GARNL3: variants seen among roughly 807,000 people sequenced by gnomAD.
GARNL3 encodes GTPase activating Rap/RanGAP domain like 3.
Under a neutral mutation model 125.0 loss-of-function variants are expected in GARNL3, and 63 were observed. That is an observed-to-expected ratio of 0.50 (90% CI 0.41 to 0.62). GARNL3 has a LOEUF of 0.62. Among genes scored for constraint, GARNL3 ranks in the 20% least tolerant of loss-of-function variants. The pLI is 0.00. For synonymous variants in GARNL3, 439 were observed against 457.5 expected (o/e 0.96, Z 0.52); for missense variants, 994 against 1,244.0 (o/e 0.80, Z 3.02).
rs749670387 is a variant in GARNL3 at position 127,355,387 on chromosome 9, A to G, written c.1850A>G (p.Lys617Arg). 1 of 1,614,248 alleles carries G rather than the reference A, an allele frequency of 6.2e-7. No homozygotes were observed. The highest frequency in any genetic ancestry group is 2.2e-5 in the East Asian group (1 of 44,886). The change falls in exon 20 of 28, where the codon AAA (lysine) becomes AGA (arginine). Residue 617 changes from lysine to arginine, a missense_variant. Lys to Arg is a conservative substitution (Grantham distance 26). Around this residue, in one of 5 missense-constraint regions of GARNL3, gnomAD observed 728 missense variants for 865.7 expected, o/e 0.84. Transcript: ENST00000373387. ...IRNKLLLITR[K>R]HNKPSGVTST... is the part of the protein sequence containing the mutation. Reference sequence around the variant, plus strand: ...AATAAACTGCTTCTGATCACAAGAAAACACAACAAGCCAAGCGGGGTCACC... The same window carrying G: ...AATAAACTGCTTCTGATCACAAGAAGACACAACAAGCCAAGCGGGGTCACC...
chr9:127,356,129 C>T (rs1830676480), intron 20 of GARNL3, among the ~76,000 whole-genome samples: 1 of 152,202 alleles, frequency 6.6e-6, no homozygotes, highest in South Asian at 2.1e-4. Context: ...GATGGGAAAC[C>T]ACTGGAAGGT....
intron 16 of GARNL3, among the ~76,000 whole-genome samples, chr9:127,347,780 T>C (rs994420489): frequency 2.0e-5 from 3 of 152,242 alleles, no homozygotes; most frequent in Admixed American, 2.0e-4. Flanking sequence ...TGCACTTGTT[T>C]AGCCTTTTTT....
At chr9:127,231,443 C>G (rs2063018187) in intron 1 of GARNL3, among the ~76,000 whole-genome samples, 1 of 151,868 alleles carries the variant, frequency 6.6e-6, no homozygotes. Flanking sequence ...ATTGATGAAC[C>G]AGAGTTATTT....
In GARNL3 at chr9:127,319,280, C is replaced by T. The variant is rs138987857; in HGVS notation, c.503+1153C>T. On this transcript the variant is annotated intron_variant, in intron 5 of 27. Coordinates refer to ENST00000373387, the MANE Select transcript of GARNL3 (RefSeq NM_032293.5). ...CAGGCAGATCATGAGGTCAGGAGTT[C>T]GAGACCAGCCTGGCCAATATAGTGA... is the stretch of plus-strand genomic sequence containing the variant. 2.2e-3 allele frequency among the ~76,000 whole-genome samples: 329 copies of T among 152,118 alleles called. 4 individuals are homozygous for T. Among genetic ancestry groups the T allele is most frequent in the African/African-American group, 6.8e-3 (282 of 41,506 alleles).
intron 13 of GARNL3, 76 bp from the exon 14 acceptor site, chr9:127,342,143 G>A: frequency 2.7e-5 from 26 of 978,628 alleles, no homozygotes; most frequent in Non-Finnish European, 8.2e-6. Flanking sequence ...GAAAAGAACA[G>A]ACAAGCATAG....
intron 1 of GARNL3, 100 bp downstream of exon 1, chr9:127,265,121 A>G: frequency 1.0e-6 from 1 of 972,542 alleles, no homozygotes; most frequent in Non-Finnish European, 1.5e-6. Context: ...CTGTTAGACC[A>G]TGTGGGTACA....
chr9:127,318,654 G>C (rs1278370014), intron 5 of GARNL3, among the ~76,000 whole-genome samples: 1 of 151,922 alleles, frequency 6.6e-6, no homozygotes, highest in South Asian at 2.1e-4. Context: ...GCCACCTCTC[G>C]TGCCCCCACC....
At chr9:127,294,147 C>G (rs1054481202) in intron 2 of GARNL3, among the ~76,000 whole-genome samples, 9 of 152,212 alleles carry the variant, frequency 5.9e-5, no homozygotes, top group Non-Finnish European at 7.3e-5. Context: ...TTGTCCCCAA[C>G]AAGGTCACCA....
At chr9:127,352,019 G>A (rs747713809) in intron 17 of GARNL3, among the ~76,000 whole-genome samples, 1 of 152,176 alleles carries the variant, frequency 6.6e-6, no homozygotes, top group Non-Finnish European at 1.5e-5. Context: ...TACACAGCTC[G>A]GCAGCTGTAC....
At chr9:127,296,674 T>G (rs2064603832) in intron 2 of GARNL3, among the ~76,000 whole-genome samples, 1 of 152,014 alleles carries the variant, frequency 6.6e-6, no homozygotes, top group Admixed American at 6.6e-5. Context: ...GTTTCACATG[T>G]TGGCCAGGCT....
chr9:127,354,237 T>G, intron 18 of GARNL3, 57 bp from the exon 19 acceptor site: 1 of 1,378,692 alleles, frequency 7.3e-7, no homozygotes, highest in Non-Finnish European at 1.0e-6. Flanking sequence ...CTGGAGGCCC[T>G]CCAGGTTACC....
At position 127,336,189 on chromosome 9, in the gene GARNL3, A is replaced by G; in HGVS notation, c.935A>G (p.Glu312Gly). 6.2e-7 allele frequency: 1 copy of G among 1,613,984 alleles called. No homozygotes were observed. The highest frequency in any genetic ancestry group is 2.2e-5 in the East Asian group (1 of 44,864). Residue 312 changes from glutamate (E) to glycine (G), a missense_variant, in exon 11 of 28, where the codon GAA becomes GGA. Coordinates refer to ENST00000373387, the MANE Select transcript of GARNL3 (RefSeq NM_032293.5). ...IVTIVFQEGE[E>G]SSPAFKPSMI... Reference sequence around the variant, plus strand: ...ACCATTGTGTTCCAAGAAGGAGAGGAATCTTCTCCTGCCTTTAAGCCTTCC... The same window carrying G: ...ACCATTGTGTTCCAAGAAGGAGAGGGATCTTCTCCTGCCTTTAAGCCTTCC...
chr9:127,249,115 T>C (rs535675984), intron 2 of GARNL3, among the ~76,000 whole-genome samples: 343 of 88,108 alleles, frequency 3.9e-3, no homozygotes, highest in Middle Eastern at 0.032. Context: ...AAAAAGTGCT[T>C]ACTATTTGTT....
intron 2 of GARNL3, among the ~76,000 whole-genome samples, chr9:127,244,481 AG>A (rs2063261681): frequency 6.6e-6 from 1 of 152,228 alleles, no homozygotes; most frequent in Non-Finnish European, 1.5e-5. Context: ...TTAAAAACAT[AG>A]AAGTCTGCCC....
chr9:127,342,195 C>T (rs115453423), intron 13 of GARNL3, 24 bp from the exon 14 acceptor site: 25 of 1,332,300 alleles, frequency 1.9e-5, no homozygotes, highest in Non-Finnish European at 2.6e-5. Flanking sequence ...CTTGTAATTC[C>T]CTTTTTAACT....
chr9:127,306,682 G>A (rs1043586471), intron 2 of GARNL3, among the ~76,000 whole-genome samples: 12 of 151,032 alleles, frequency 7.9e-5, no homozygotes, highest in Admixed American at 2.6e-4. Flanking sequence ...AGTCTAGATC[G>A]CGCCACTCTA....
upstream of GARNL3, chr9:127,264,587 T>C: frequency 9.3e-7 from 1 of 1,072,818 alleles, no homozygotes; most frequent in Non-Finnish European, 1.1e-6. Context: ...TCAGCAGCTT[T>C]GTCCCTTGCC....
At chr9:127,357,853 A>G (rs954636132) in intron 21 of GARNL3, among the ~76,000 whole-genome samples, 3 of 152,050 alleles carry the variant, frequency 2.0e-5, no homozygotes, top group African/African-American at 7.2e-5. Context: ...CATTTGTTAG[A>G]TGATTTGTCC....
chr9:127,268,358 C>T lies in GARNL3; in HGVS notation c.144+3337C>T, dbSNP rs139087815. Among the ~76,000 whole-genome samples the T allele has an allele frequency of 1.4e-4, 21 of 152,266 alleles. No individual in the cohort carries two copies. The East Asian group carries it at 2.1e-3, about 15-fold the overall frequency. ...ATCTCACGGGAGGGAAGTGCAGCTGCGCCTCATGTGATGGAAAACCAGCAA... is the reference window on the plus strand; with the variant it reads ...ATCTCACGGGAGGGAAGTGCAGCTGTGCCTCATGTGATGGAAAACCAGCAA... On this transcript the variant is annotated intron_variant, in intron 1 of 27. Transcript: ENST00000373387.
Sources: gnomAD v4.1 joint callset for allele counts (sites outside exome capture counted in the v4.1 genomes callset) on GRCh38, gnomAD v4.1.1 for gene constraint, gnomAD v4.1.1 regional missense constraint, MANE v1.5 for transcripts, NCBI Gene and HGNC (gene_info 2026-07-23, HGNC 2026-07-21) for gene names.